SUGCT: variants seen among roughly 807,000 people sequenced by gnomAD.
SUGCT encodes succinyl-CoA:glutarate CoA-transferase.
A neutral mutation model predicts 55.0 loss-of-function variants in SUGCT; 41 were observed. The observed-to-expected ratio is 0.74, with a 90% CI of 0.58 to 0.97. The LOEUF (loss-of-function observed/expected upper bound fraction) is 0.97. Among genes scored for constraint, SUGCT ranks in the 50% least tolerant of loss-of-function variants. The probability of loss-of-function intolerance (pLI) is 0.00; values close to 1 mark genes in which losing one functional copy is unlikely to be tolerated. For missense variants in SUGCT, 568 were observed against 547.8 expected (o/e 1.04, Z -0.37); for synonymous variants, 187 against 200.4 (o/e 0.93, Z 0.56).
intron 2 of SUGCT, 55 bp from the exon 3 acceptor site, chr7:40,181,900 A>C: frequency 9.1e-7 from 1 of 1,100,430 alleles, no homozygotes; most frequent in Non-Finnish European, 1.3e-6. Context: ...GAAAATAATT[A>C]ATATAAACAT....
intron 7 of SUGCT, among the ~76,000 whole-genome samples, chr7:40,256,038 A>G (rs564114870): frequency 6.6e-6 from 1 of 152,258 alleles, no homozygotes; most frequent in African/African-American, 2.4e-5. Flanking sequence ...ACAGAGTTGG[A>G]TCAGGGTTAA....
chr7:40,364,075 T>G (rs1189655307), intron 9 of SUGCT, among the ~76,000 whole-genome samples: 6 of 149,804 alleles, frequency 4.0e-5, no homozygotes, highest in Admixed American at 6.6e-5. Flanking sequence ...GTAATGGCCT[T>G]CTTTGTCTCT....
At chr7:40,699,772 G>A (rs1785097801) in intron 12 of SUGCT, among the ~76,000 whole-genome samples, 1 of 152,102 alleles carries the variant, frequency 6.6e-6, no homozygotes, top group Non-Finnish European at 1.5e-5. Context: ...AGGAGGCTGA[G>A]GCACGAGGAT....
At chr7:40,743,845 C>T (rs188228287) in intron 12 of SUGCT, among the ~76,000 whole-genome samples, 22 of 152,170 alleles carry the variant, frequency 1.4e-4, no homozygotes, top group Non-Finnish European at 2.4e-4. Flanking sequence ...CATTGCACTT[C>T]GTCCCTTAGA....
intron 12 of SUGCT, among the ~76,000 whole-genome samples, chr7:40,567,063 TCTC>T (rs1342964675): frequency 6.6e-6 from 1 of 152,204 alleles, no homozygotes; most frequent in Admixed American, 6.5e-5. Flanking sequence ...ATTCAAATAA[TCTC>T]CTTGCTGTAT....
intron 13 of SUGCT, among the ~76,000 whole-genome samples, chr7:40,759,516 A>T (rs1376460219): frequency 6.6e-6 from 1 of 152,182 alleles, no homozygotes; most frequent in Non-Finnish European, 1.5e-5. Context: ...TAATGTTGCT[A>T]TACCAACCAA....
intron 9 of SUGCT, among the ~76,000 whole-genome samples, chr7:40,331,552 G>A (rs566858481): frequency 1.3e-5 from 2 of 152,242 alleles, no homozygotes; most frequent in East Asian, 1.9e-4. Flanking sequence ...TTCAGTAGCC[G>A]GTAGCTGTGA....
At chr7:40,898,058 A>T in the SUGCT span, among the ~76,000 whole-genome samples, 9 of 152,142 alleles carry the variant, frequency 5.9e-5, no homozygotes, top group African/African-American at 1.7e-4. Context: ...GATGCTGCTT[A>T]TTCCTTGGGT....
At chr7:40,608,880 T>A (rs571063976) in intron 12 of SUGCT, among the ~76,000 whole-genome samples, 98 of 152,322 alleles carry the variant, frequency 6.4e-4, no homozygotes, top group Admixed American at 1.0e-3. Flanking sequence ...GTGACACTTT[T>A]CAGAGCAAAC....
chr7:40,415,923 A>AT, intron 9 of SUGCT, among the ~76,000 whole-genome samples: 1 of 152,092 alleles, frequency 6.6e-6, no homozygotes, highest in East Asian at 1.9e-4. Flanking sequence ...TTGTTTTTAT[A>AT]TTTTTTAATC....
chr7:40,274,498 C>T lies in SUGCT; in HGVS notation c.577-15C>T. 6.2e-7 allele frequency: 1 copy of T among 1,604,862 alleles called. No homozygotes were observed. The highest frequency in any genetic ancestry group is 8.5e-7 in the Non-Finnish European group (1 of 1,177,106). ...TTTAATTATTTCTTCTTTCTCAACC[C>T]AACCTTCAAATCAGAATGGAGATCC... On this transcript the variant is annotated splice_polypyrimidine_tract_variant and intron_variant, in intron 7 of 13. Transcript: ENST00000335693.
At chr7:40,609,248 T>A (rs1029771829) in intron 12 of SUGCT, among the ~76,000 whole-genome samples, 1 of 152,132 alleles carries the variant, frequency 6.6e-6, no homozygotes, top group Non-Finnish European at 1.5e-5. Flanking sequence ...CCAGGATGGA[T>A]GCAGGGTAGC....
chr7:40,830,116 C>T (rs1792576096), intron 13 of SUGCT, among the ~76,000 whole-genome samples: 1 of 152,176 alleles, frequency 6.6e-6, no homozygotes, highest in Non-Finnish European at 1.5e-5. Flanking sequence ...CAGAATACAT[C>T]TGTGTCCCCA....
the SUGCT span, chr7:40,966,079 A>G: frequency 6.6e-6 from 1 of 152,372 alleles, no homozygotes; most frequent in African/African-American, 2.4e-5. Context: ...CATCACAATC[A>G]TTCAATAAAA....
chr7:40,354,418 G>T (rs1797791371), intron 9 of SUGCT, among the ~76,000 whole-genome samples: 2 of 152,194 alleles, frequency 1.3e-5, no homozygotes, highest in South Asian at 4.1e-4. Flanking sequence ...TAAGGGAACT[G>T]TGGAGGAGAG....
chr7:40,645,383 A>G (rs933659942), intron 12 of SUGCT, among the ~76,000 whole-genome samples: 5 of 152,274 alleles, frequency 3.3e-5, no homozygotes, highest in Admixed American at 6.5e-5. Flanking sequence ...AGGGCCCACC[A>G]TGTACAAAGG....
intron 12 of SUGCT, among the ~76,000 whole-genome samples, chr7:40,702,937 C>T (rs1785229186): frequency 6.6e-6 from 1 of 152,088 alleles, no homozygotes; most frequent in African/African-American, 2.4e-5. Context: ...TTATATGTGA[C>T]AGAACTGTTA....
intron 13 of SUGCT, among the ~76,000 whole-genome samples, chr7:40,776,843 G>T (rs559317887): frequency 1.2e-4 from 19 of 152,132 alleles, no homozygotes; most frequent in Non-Finnish European, 2.4e-4. Flanking sequence ...CTTGGCTTTG[G>T]AGAACCCTTC....
At chr7:40,838,237 C>A (rs1793091457) in intron 13 of SUGCT, among the ~76,000 whole-genome samples, 1 of 152,222 alleles carries the variant, frequency 6.6e-6, no homozygotes, top group South Asian at 2.1e-4. Context: ...TATTACAAAT[C>A]CTATGTCTTT....
Sources: gnomAD v4.1 joint callset for allele counts (sites outside exome capture counted in the v4.1 genomes callset) on GRCh38, gnomAD v4.1.1 for gene constraint, MANE v1.5 for transcripts, NCBI Gene and HGNC (gene_info 2026-07-23, HGNC 2026-07-21) for gene names.